TTC3: variants seen among roughly 807,000 people sequenced by gnomAD.
The protein encoded by TTC3 is tetratricopeptide repeat domain 3, also known as E3 ubiquitin-protein ligase TTC3.
A neutral mutation model predicts 249.6 loss-of-function variants in TTC3; 180 were observed. The ratio of observed to expected loss-of-function variants is 0.72; its 90% CI spans 0.64 to 0.82. TTC3 has a LOEUF of 0.82. Among genes scored for constraint, TTC3 ranks in the 40% least tolerant of loss-of-function variants. The probability of loss-of-function intolerance (pLI) is 0.00; values close to 1 mark genes in which losing one functional copy is unlikely to be tolerated. For missense variants in TTC3, 2,061 were observed against 2,398.4 expected (o/e 0.86, Z 2.94); for synonymous variants, 717 against 805.0 (o/e 0.89, Z 1.85).
chr21:37,103,629 T>G (rs1273418365), intron 10 of TTC3, among the ~76,000 whole-genome samples: 1 of 152,200 alleles, frequency 6.6e-6, no homozygotes, highest in Non-Finnish European at 1.5e-5. Context: ...TAACGCTGTT[T>G]GTAGTGCTAT....
intron 1 of TTC3, among the ~76,000 whole-genome samples, chr21:37,076,042 G>A (rs143496183): frequency 3.9e-5 from 6 of 152,288 alleles, no homozygotes; most frequent in South Asian, 2.1e-4. Context: ...AAAATGACCA[G>A]TATTGAATGT....
chr21:37,096,288 T>C (rs1237139549), intron 9 of TTC3, among the ~76,000 whole-genome samples: 1 of 152,268 alleles, frequency 6.6e-6, no homozygotes, highest in African/African-American at 2.4e-5. Context: ...TGTAGTTTGC[T>C]AGCTCTTTAA....
intron 1 of TTC3, chr21:37,081,594 C>T (rs2071670379): frequency 6.6e-6 from 1 of 151,840 alleles, no homozygotes; most frequent in African/African-American, 2.4e-5. Context: ...GTTTCTGAGC[C>T]CTGTATTCTT....
At chr21:37,093,913 C>G in intron 7 of TTC3, 92 bp from the exon 8 acceptor site, 1 of 767,152 alleles carries the variant, frequency 1.3e-6, no homozygotes, top group Non-Finnish European at 2.2e-6. Context: ...GTTGTGGACT[C>G]ACCTAACTCA....
chr21:37,193,760 A>G (rs768856427), intron 41 of TTC3: 2 of 152,244 alleles, frequency 1.3e-5, no homozygotes, highest in African/African-American at 4.8e-5. Context: ...CTGTGCCCTC[A>G]AAGTGCACAT....
intron 20 of TTC3, among the ~76,000 whole-genome samples, chr21:37,141,204 G>A (rs890891601): frequency 3.9e-5 from 6 of 152,206 alleles, no homozygotes; most frequent in Non-Finnish European, 8.8e-5. Flanking sequence ...TTGTCTCCCC[G>A]AATGTCAGTA....
Position 37,192,227 on chromosome 21 carries a change from ATC to A in TTC3, c.5217+16_5217+17del. 6.7e-7 allele frequency: 1 copy of A among 1,490,490 alleles called. No homozygotes were observed. Among genetic ancestry groups the A allele is most frequent in the Non-Finnish European group, 9.0e-7 (1 of 1,108,668 alleles). The allele number at this position is 1,490,490 out of a possible 1,614,324, so 92.3% of individuals were successfully genotyped here. On this transcript the variant is annotated intron_variant, in intron 41 of 45. Transcript: ENST00000355666. ...GCCTGTAACACGGTAAGTCTAGCACATCTTTTTTTTTTTTTTAAACCATAATT... is the reference window on the plus strand; with the variant it reads ...GCCTGTAACACGGTAAGTCTAGCACATTTTTTTTTTTTTTAAACCATAATT...
At chr21:37,201,032 G>T (rs1220338443) in intron 45 of TTC3, among the ~76,000 whole-genome samples, 1 of 152,218 alleles carries the variant, frequency 6.6e-6, no homozygotes, top group Non-Finnish European at 1.5e-5. Context: ...GGAGTGTGGC[G>T]TGCAGGCTGG....
At chr21:37,117,848 A>AAAAAAAAAAAAAG (rs1555876993) in intron 11 of TTC3, among the ~76,000 whole-genome samples, 1 of 150,740 alleles carries the variant, frequency 6.6e-6, no homozygotes, top group Admixed American at 6.6e-5. Context: ...AAAAAAAAAA[A>AAAAAAAAAAAAAG]AAAAAGAAAA....
In TTC3 at chr21:37,140,187, C is replaced by CA. The variant is rs1433869650; in HGVS notation, c.1660-374_1660-373insA. On this transcript the variant is annotated intron_variant, in intron 19 of 45. Transcript: ENST00000355666. Reference sequence around the variant, plus strand: ...TGGCATTCCTTCCAAGGGATTAGCACTTAATAGGATCTATGTTATGGTGTG... The same window carrying CA: ...TGGCATTCCTTCCAAGGGATTAGCACATTAATAGGATCTATGTTATGGTGTG... Among the ~76,000 whole-genome samples the CA allele has an allele frequency of 4.3e-3, 661 of 152,278 alleles. 7 individuals carry two copies. The highest frequency in any genetic ancestry group is 0.015 in the African/African-American group (631 of 41,556).
intron 41 of TTC3, 135 bp downstream of exon 41, chr21:37,192,348 G>A (rs957335028): frequency 2.1e-5 from 12 of 578,302 alleles, no homozygotes; most frequent in Non-Finnish European, 3.4e-5. Context: ...CATTATTGGT[G>A]CTACTGATTA....
intron 11 of TTC3, among the ~76,000 whole-genome samples, chr21:37,117,276 C>G (rs1298139978): frequency 6.6e-6 from 1 of 151,968 alleles, no homozygotes; most frequent in Non-Finnish European, 1.5e-5. Flanking sequence ...TTTTTAAATG[C>G]CTTATTTTAC....
intron 11 of TTC3, among the ~76,000 whole-genome samples, chr21:37,115,901 C>T (rs1448914500): frequency 1.3e-5 from 2 of 152,204 alleles, no homozygotes; most frequent in Non-Finnish European, 2.9e-5. Flanking sequence ...GTGAAACATT[C>T]CTTGGCCTCA....
At chr21:37,152,898 G>A (rs2051162) in intron 26 of TTC3, 53 bp from the exon 27 acceptor site, 1,028,331 of 1,370,004 alleles carry the variant, frequency 0.75, 390,307 homozygotes, top group East Asian at 0.99. Context: ...CTAAGTTTAT[G>A]TAATTGTGAA....
intron 20 of TTC3, among the ~76,000 whole-genome samples, chr21:37,142,248 C>G (rs567270118): frequency 6.6e-6 from 1 of 152,132 alleles, no homozygotes; most frequent in Non-Finnish European, 1.5e-5. Flanking sequence ...AAGTTCTGGC[C>G]AGGGCAATCA....
intron 11 of TTC3, among the ~76,000 whole-genome samples, chr21:37,113,499 A>C (rs2147825650): frequency 6.6e-6 from 1 of 152,360 alleles, no homozygotes; most frequent in East Asian, 1.9e-4. Flanking sequence ...GACCTCTTCA[A>C]GGAGAGCTAC....
At chr21:37,080,693 A>G (rs995305371) in intron 1 of TTC3, among the ~76,000 whole-genome samples, 1 of 151,956 alleles carries the variant, frequency 6.6e-6, no homozygotes, top group Non-Finnish European at 1.5e-5. Flanking sequence ...TCGAACCTTT[A>G]CTATATTGTG....
intron 1 of TTC3, among the ~76,000 whole-genome samples, chr21:37,079,759 C>T (rs184726419): frequency 6.6e-6 from 1 of 152,086 alleles, no homozygotes; most frequent in Admixed American, 6.5e-5. Context: ...TTCACAAACT[C>T]CTGACCTCAA....
intron 11 of TTC3, among the ~76,000 whole-genome samples, chr21:37,116,104 T>C (rs913907169): frequency 1.3e-5 from 2 of 152,236 alleles, no homozygotes; most frequent in Non-Finnish European, 2.9e-5. Flanking sequence ...TTCACTTCAC[T>C]CTTGAATCCA....
Sources: allele counts gnomAD v4.1 joint callset (sites outside exome capture counted in the v4.1 genomes callset), GRCh38; gene constraint gnomAD v4.1.1; transcripts MANE v1.5; gene names NCBI Gene and HGNC (gene_info 2026-07-23, HGNC 2026-07-21).